INF2: variants seen among roughly 807,000 people sequenced by gnomAD.
INF2 encodes inverted formin-2.
Under a neutral mutation model 123.5 loss-of-function variants are expected in INF2, and 43 were observed. The ratio of observed to expected loss-of-function variants is 0.35; its 90% CI spans 0.27 to 0.45. INF2 has a LOEUF of 0.45. Among genes scored for constraint, INF2 ranks in the 20% least tolerant of loss-of-function variants. The pLI is 1.00. For missense variants in INF2, 1,453 were observed against 1,682.7 expected, an observed-to-expected ratio of 0.86 and a Z score of 2.39; for synonymous variants, 851 against 745.0, an observed-to-expected ratio of 1.14 and a Z score of -2.32.
rs149923432 is a variant in INF2, at chr14:104,708,394, C to CG, written c.1736-38dup. 122,861 of 1,605,362 alleles carry CG rather than the reference C, an allele frequency of 0.077. 5,216 individuals carry two copies. Among genetic ancestry groups the CG allele is most frequent in the Middle Eastern group, 0.11 (486 of 4,570 alleles). On this transcript the variant is annotated intron_variant, in intron 8 of 22. Coordinates refer to ENST00000392634, the MANE Select transcript of INF2 (RefSeq NM_022489.4). ...CCCTGCCTGCTGGATCGCCAGGCCCCGGGGCTGCGAGAGCCTCACTGGCCG... is the reference window on the plus strand; with the variant it reads ...CCCTGCCTGCTGGATCGCCAGGCCCCGGGGGCTGCGAGAGCCTCACTGGCCG...
intron 7 of INF2, 74 bp downstream of exon 7, chr14:104,707,125 G>A: frequency 6.6e-7 from 1 of 1,509,352 alleles, no homozygotes; most frequent in South Asian, 1.2e-5. Context: ...GGGGGGGGGA[G>A]CCTGCCCTTG....
At position 104,684,434 on chromosome 14, in the gene INF2, C is replaced by T. The variant is rs144228992; in HGVS notation, c.-104+2852C>T. The T allele has an allele frequency of 5.8e-4, 149 of 256,966 alleles. No individual in the cohort carries two copies. Among genetic ancestry groups the T allele is most frequent in the East Asian group, 3.9e-3 (36 of 9,154 alleles). The allele number at this position is 256,966 out of a possible 1,614,324, so 15.9% of individuals were successfully genotyped here. On this transcript the variant is annotated intron_variant, in intron 1 of 2. Coordinates refer to the INF2 transcript ENST00000674723. This position sits in a 1 kb window ranked among gnomAD's most constrained non-coding sequence, Gnocchi z 5.0. ...ATAGAAATCAAGAAACATGAGTGAA[C>T]GATGCACACCACCGCGTGGATGAGT... is the stretch of plus-strand genomic sequence containing the variant.
At chr14:104,715,208 C>G (rs1238918211) in intron 21 of INF2, 76 bp from the exon 22 acceptor site, 6 of 1,464,442 alleles carry the variant, frequency 4.1e-6, no homozygotes, top group Non-Finnish European at 5.7e-6. Context: ...CCCGGGCCCC[C>G]CAGCCCCACC....
upstream of INF2, chr14:104,689,097 G>A (rs1888791132): frequency 1.8e-6 from 1 of 560,052 alleles, no homozygotes; most frequent in African/African-American, 2.0e-5. Flanking sequence ...GCAGGGCTGC[G>A]GAGAGGAGGC....
chr14:104,682,576 T>C (rs1004611357), intron 1 of INF2, among the ~76,000 whole-genome samples: 3 of 152,082 alleles, frequency 2.0e-5, no homozygotes, highest in Non-Finnish European at 4.4e-5. Flanking sequence ...GCGGGCTGCC[T>C]GGCCTGCAGG....
At chr14:104,692,909 G>A (rs1889022220) in intron 1 of INF2, among the ~76,000 whole-genome samples, 1 of 152,270 alleles carries the variant, frequency 6.6e-6, no homozygotes, top group Admixed American at 6.5e-5. Context: ...AGAAGGGCCA[G>A]CCTGGGCTGC....
In INF2 at chr14:104,694,500, G is replaced by A. The variant is rs913516607; in HGVS notation, c.-10+4761G>A. Among the ~76,000 whole-genome samples, 11 of 152,264 alleles carry A rather than the reference G, an allele frequency of 7.2e-5. No individual in the cohort carries two copies. In the East Asian group the frequency reaches 7.7e-4, roughly 11 times the overall value. ...CAGGAGGTGGGCTGAGTGGGAAGGC[G>A]GGCGGTCAGTGCGTGGTTATGCACT... is the stretch of plus-strand genomic sequence containing the variant. On this transcript the variant is annotated intron_variant, in intron 1 of 22. Coordinates refer to ENST00000392634, the MANE Select transcript of INF2 (RefSeq NM_022489.4).
At chr14:104,695,873 CT>C (rs1889169295) in intron 1 of INF2, among the ~76,000 whole-genome samples, 1 of 152,154 alleles carries the variant, frequency 6.6e-6, no homozygotes, top group Non-Finnish European at 1.5e-5. Flanking sequence ...TGAAGGACCC[CT>C]GGCCCCCAGC....
chr14:104,705,700 C>T (rs570029634), intron 5 of INF2, among the ~76,000 whole-genome samples: 2 of 152,314 alleles, frequency 1.3e-5, no homozygotes, highest in South Asian at 2.1e-4. Flanking sequence ...CCCAAGGTCA[C>T]GGCCCGGTTC....
chr14:104,708,306 G>T (rs140264162), intron 8 of INF2, 130 bp from the exon 9 acceptor site: 6 of 1,224,926 alleles, frequency 4.9e-6, no homozygotes, highest in Non-Finnish European at 5.7e-6. Flanking sequence ...CCTGCTGTAC[G>T]CTGGACCTGG....
chr14:104,686,973 G>C (rs1888678590), upstream of INF2, among the ~76,000 whole-genome samples: 3 of 152,226 alleles, frequency 2.0e-5, no homozygotes, highest in South Asian at 6.2e-4. Context: ...TGTGCCAGTG[G>C]CCAGGAACAT....
chr14:104,717,222 C>T (rs938348073), intron 22 of INF2, among the ~76,000 whole-genome samples: 9 of 151,416 alleles, frequency 5.9e-5, no homozygotes, highest in African/African-American at 1.9e-4. Flanking sequence ...CTTCCTCAGT[C>T]CCCCCCGGGC....
At chr14:104,688,626 G>A (rs1439922307), upstream of INF2, among the ~76,000 whole-genome samples, 1 of 151,988 alleles carries the variant, frequency 6.6e-6, no homozygotes, top group African/African-American at 2.4e-5. Flanking sequence ...AGTCATATCC[G>A]AGCCTGAGGC....
intron 5 of INF2, among the ~76,000 whole-genome samples, chr14:104,705,467 T>C (rs933011187): frequency 1.3e-5 from 2 of 151,188 alleles, no homozygotes; most frequent in South Asian, 2.1e-4. Context: ...CATGGGTGCC[T>C]GTGCCCCACC....
upstream of INF2, chr14:104,684,766 G>A (rs1406741360): frequency 1.3e-5 from 2 of 152,262 alleles, no homozygotes; most frequent in African/African-American, 4.8e-5. This position sits in a 1 kb window ranked among gnomAD's most constrained non-coding sequence, Gnocchi z 5.0. Context: ...CCATGATATG[G>A]CTGCAAACAC....
chr14:104,688,268 C>A (rs1309593042), upstream of INF2, among the ~76,000 whole-genome samples: 1 of 152,252 alleles, frequency 6.6e-6, no homozygotes, highest in Non-Finnish European at 1.5e-5. Context: ...AGCCAGCAAA[C>A]TTCCGGGGCT....
chr14:104,699,354 C>A lies in INF2; in HGVS notation c.-9-2003C>A. On this transcript the variant is annotated intron_variant, in intron 1 of 22. Coordinates refer to ENST00000392634, the MANE Select transcript of INF2 (RefSeq NM_022489.4). This position sits in a 1 kb window ranked among gnomAD's most constrained non-coding sequence, Gnocchi z 4.7. ...GGGTCAGTTCTGGGGCCTCTTTAGG[C>A]AGCAACAGCCAAGGCGGGTGGGAAT... The A allele has an allele frequency of 3.1e-6, 3 of 977,418 alleles. No individual in the cohort carries two copies. The highest frequency in any genetic ancestry group is 3.6e-6 in the Non-Finnish European group (3 of 822,776). The allele number at this position is 977,418 out of a possible 1,614,324, so 60.5% of individuals were successfully genotyped here.
chr14:104,710,781 C>T, intron 13 of INF2, 156 bp from the exon 14 acceptor site: 1 of 652,048 alleles, frequency 1.5e-6, no homozygotes, highest in South Asian at 1.9e-5. Context: ...GGTTTGCAGC[C>T]CCCAGGCCCT....
chr14:104,682,669 T>A (rs923922456), intron 1 of INF2, among the ~76,000 whole-genome samples: 1 of 152,104 alleles, frequency 6.6e-6, no homozygotes, highest in Non-Finnish European at 1.5e-5. Context: ...GAGTCTGATA[T>A]ACTTCCAAGC....
Sources: allele counts gnomAD v4.1 joint callset (sites outside exome capture counted in the v4.1 genomes callset), GRCh38; gene constraint gnomAD v4.1.1; non-coding constraint Gnocchi (gnomAD v3.1); transcripts MANE v1.5; gene names NCBI Gene and HGNC (gene_info 2026-07-23, HGNC 2026-07-21).